Variants in LRPAP1 observed in about 807,000 individuals in gnomAD.
The protein encoded by LRPAP1 is alpha-2-macroglobulin receptor-associated protein.
In LRPAP1, 41 loss-of-function variants were observed where a neutral mutation model predicts 39.9. The ratio of observed to expected loss-of-function variants is 1.03; its 90% confidence interval spans 0.80 to 1.33. LRPAP1 has a LOEUF of 1.33. LRPAP1 is among the 40% of genes most tolerant of loss of function. LRPAP1 has a pLI of 0.00. For synonymous variants in LRPAP1, 263 were observed against 212.7 expected (o/e 1.24, Z -2.06); for missense variants, 565 against 482.3 (o/e 1.17, Z -1.61).
At chr4:3,513,334 G>A (rs889192618) in intron 7 of LRPAP1, among the ~76,000 whole-genome samples, 2 of 152,182 alleles carry the variant, frequency 1.3e-5, no homozygotes, top group Non-Finnish European at 2.9e-5. Context: ...TACTGAAAGG[G>A]TCTCGCTCTG....
intron 1 of LRPAP1, among the ~76,000 whole-genome samples, chr4:3,527,976 C>T (rs777872727): frequency 2.0e-5 from 3 of 152,220 alleles, no homozygotes; most frequent in Non-Finnish European, 2.9e-5. Context: ...CTAAATTTCA[C>T]ACCGCATGTC....
At position 3,504,727 on chromosome 4, in the gene LRPAP1, G is replaced by A. The variant is rs1300207514; in HGVS notation, c.*8247C>T. 1.8e-5 allele frequency among the ~76,000 whole-genome samples: 1 copy of A among 55,132 alleles called. No homozygotes were observed. The highest frequency in any genetic ancestry group is 5.7e-5 in the African/African-American group (1 of 17,620). 36.2% of individuals were successfully genotyped at this position (55,132 alleles called of 152,430 possible). A position where few individuals can be genotyped will look rare whatever the true frequency, so the allele number is the denominator to read the frequency against. ...ATTGCGCCATTGCACTGCAGCCTGAGCAATTGAGATTCCATCTCAAAAAAA... is the reference window on the plus strand; with the variant it reads ...ATTGCGCCATTGCACTGCAGCCTGAACAATTGAGATTCCATCTCAAAAAAA... On this transcript the variant is annotated 3_prime_UTR_variant, in exon 8 of 8. Transcript: ENST00000650182.
intron 1 of LRPAP1, 90 bp downstream of exon 1, chr4:3,532,119 T>A: frequency 2.2e-6 from 3 of 1,342,688 alleles, no homozygotes; most frequent in Non-Finnish European, 3.0e-6. Flanking sequence ...TGCGCCCCCC[T>A]CCGCCTCCGA....
In LRPAP1 at chr4:3,512,978, A is replaced by G; in HGVS notation, c.1070T>C (p.Leu357Pro). 1 of 1,610,912 alleles carries G rather than the reference A, an allele frequency of 6.2e-7. No homozygotes were observed. Among genetic ancestry groups the G allele is most frequent in the Non-Finnish European group, 8.5e-7 (1 of 1,178,802 alleles). Residue 357 changes from leucine (L) to proline (P), a missense_variant, in exon 8 of 8, where the codon CTC (leucine) becomes CCC (proline). Transcript: ENST00000650182. ...GGGCTGGGCTCCCCAATGCCTTCAG[A>G]GTTCGTTGTGCCGAGCTCTGGAGAT... ...GRISRARHNEL is the reference protein window; with the variant it reads ...GRISRARHNEP
intron 2 of LRPAP1, among the ~76,000 whole-genome samples, chr4:3,521,024 G>A (rs757509992): frequency 2.6e-5 from 4 of 152,178 alleles, no homozygotes; most frequent in Non-Finnish European, 5.9e-5. Context: ...GGCTGGCCTC[G>A]CCCTCCACGG....
intron 1 of LRPAP1, 56 bp from the exon 2 acceptor site, chr4:3,525,107 C>A (rs542859900): frequency 5.6e-6 from 9 of 1,602,374 alleles, no homozygotes; most frequent in Non-Finnish European, 7.7e-6. Flanking sequence ...CAGGACACAG[C>A]GAGAAACTGA....
intron 1 of LRPAP1, among the ~76,000 whole-genome samples, chr4:3,526,213 C>T (rs2108696103): frequency 6.6e-6 from 1 of 152,196 alleles, no homozygotes; most frequent in African/African-American, 2.4e-5. Flanking sequence ...TCTCTCGGCT[C>T]TCAGGAGGGT....
intron 1 of LRPAP1, among the ~76,000 whole-genome samples, chr4:3,527,309 G>A (rs760407943): frequency 1.1e-4 from 17 of 152,138 alleles, no homozygotes; most frequent in East Asian, 3.9e-4. Flanking sequence ...TGCCTGCGGC[G>A]TCCACTGGAA....
intron 2 of LRPAP1, among the ~76,000 whole-genome samples, chr4:3,522,685 G>A (rs1390483552): frequency 1.7e-5 from 2 of 114,904 alleles, no homozygotes; most frequent in Non-Finnish European, 4.0e-5. Context: ...CCCCCTGCCT[G>A]GGGAGGACAG....
In LRPAP1 at chr4:3,516,164, G is replaced by A. The variant is rs1489597613; in HGVS notation, c.786C>T (p.Asp262=). The change falls in exon 6 of 8, where the codon GAC becomes GAT. Residue 262 remains aspartate, a synonymous_variant. Coordinates refer to ENST00000650182, the MANE Select transcript of LRPAP1 (RefSeq NM_002337.4). ...FEEPRVIDLW[D]LAQSANLTDK... ...CCGTGAGGTTGGCGGACTGCGCCAG[G>A]TCCCACAGGTCAATCACCCTGGGCT... 3.2e-6 allele frequency: 5 copies of A among 1,582,230 alleles called. No homozygotes were observed. The highest frequency in any genetic ancestry group is 3.4e-6 in the Non-Finnish European group (4 of 1,164,646).
chr4:3,518,038 C>T lies in LRPAP1; in HGVS notation c.747G>A (p.Glu249=), dbSNP rs747159323. 1.9e-6 allele frequency: 3 copies of T among 1,606,222 alleles called. No individual in the cohort carries two copies. The Admixed American group carries it at 5.0e-5, about 27-fold the overall frequency. The stretch of plus-strand genomic sequence containing the variant: ...CAGTCCCGGGCGGGCACTCACCAGC[C>T]TCAGTGCTGTAGCCCTGGTGGCTGA... ...RRVSHQGYST[E]AEFEEPRVID... The change falls in exon 5 of 8, where the codon GAG becomes GAA. Residue 249 remains glutamate, a synonymous_variant. Coordinates refer to ENST00000650182, the MANE Select transcript of LRPAP1 (RefSeq NM_002337.4).
chr4:3,516,905 G>A (rs749853602), intron 5 of LRPAP1, among the ~76,000 whole-genome samples: 2 of 152,252 alleles, frequency 1.3e-5, no homozygotes, highest in African/African-American at 4.8e-5. Flanking sequence ...GGAAGGCCCA[G>A]GCAGACCCGC....
Position 3,510,563 on chromosome 4 carries a change from G to A in LRPAP1, c.*2411C>T, listed in dbSNP as rs918717398. On this transcript the variant is annotated 3_prime_UTR_variant, in exon 8 of 8. Coordinates refer to ENST00000650182, the MANE Select transcript of LRPAP1 (RefSeq NM_002337.4). ...AAAAAGCCTATGCAGCAAATAATCT[G>A]AAAGTTAAGGGAGAAATGGATCCTG... is the stretch of plus-strand genomic sequence containing the variant. 2 of 152,282 alleles carry A rather than the reference G, an allele frequency of 1.3e-5. No homozygotes were observed. Among genetic ancestry groups the A allele is most frequent in the African/African-American group, 4.8e-5 (2 of 41,478 alleles). The allele number at this position is 152,282 out of a possible 1,614,324, so 9.4% of individuals were successfully genotyped here. A position where few individuals can be genotyped will look rare whatever the true frequency, so the allele number is the denominator to read the frequency against.
intron 2 of LRPAP1, among the ~76,000 whole-genome samples, chr4:3,524,556 G>A (rs974444351): frequency 2.6e-5 from 4 of 152,216 alleles, no homozygotes; most frequent in African/African-American, 9.7e-5. Context: ...ATCTGTGCTC[G>A]GAGGATAGCC....
rs1406178420 is a variant in LRPAP1, at chr4:3,508,123, A to C, written c.*4851T>G. ...TGAGTTCAAGTGATTCTCCTGCCTC[A>C]GCCTCCAGAGTAGCTGGGATTACAG... On this transcript the variant is annotated 3_prime_UTR_variant, in exon 8 of 8. Coordinates refer to ENST00000650182, the MANE Select transcript of LRPAP1 (RefSeq NM_002337.4). The C allele has an allele frequency of 6.6e-6, 1 of 152,180 alleles. No homozygotes were observed. The highest frequency in any genetic ancestry group is 2.4e-5 in the African/African-American group (1 of 41,420). The allele number at this position is 152,180 out of a possible 1,614,324, so 9.4% of individuals were successfully genotyped here. A position where few individuals can be genotyped will look rare whatever the true frequency, so the allele number is the denominator to read the frequency against.
intron 1 of LRPAP1, among the ~76,000 whole-genome samples, chr4:3,531,085 A>G (rs1358537591): frequency 2.0e-5 from 3 of 151,836 alleles, no homozygotes; most frequent in African/African-American, 7.3e-5. Flanking sequence ...CCCCTCCAGA[A>G]TCCCTTCCTC....
At chr4:3,532,129 A>C (rs1730273994) in intron 1 of LRPAP1, 80 bp downstream of exon 1, 4 of 1,426,524 alleles carry the variant, frequency 2.8e-6, no homozygotes, top group Non-Finnish European at 3.8e-6. Context: ...TCCGCCTCCG[A>C]CCCCTGGGCC....
At position 3,509,225 on chromosome 4, in the gene LRPAP1, C is replaced by T. The variant is rs1254406370; in HGVS notation, c.*3749G>A. On this transcript the variant is annotated 3_prime_UTR_variant, in exon 8 of 8. Coordinates refer to ENST00000650182, the MANE Select transcript of LRPAP1 (RefSeq NM_002337.4). ...GCAGTCAACGCATGGACACCGGAGA[C>T]TGTTGAGACGCCGACTGGAGTCACA... 1 of 152,042 alleles carries T rather than the reference C, an allele frequency of 6.6e-6. No homozygotes were observed. The highest frequency in any genetic ancestry group is 1.5e-5 in the Non-Finnish European group (1 of 68,016). The allele number at this position is 152,042 out of a possible 1,614,324, so 9.4% of individuals were successfully genotyped here.
intron 2 of LRPAP1, among the ~76,000 whole-genome samples, chr4:3,524,119 C>T (rs1001035388): frequency 3.3e-5 from 5 of 152,290 alleles, no homozygotes; most frequent in East Asian, 3.9e-4. Flanking sequence ...CCCAGTCCCA[C>T]GGGCCCACCT....
Sources: allele counts gnomAD v4.1 joint callset (sites outside exome capture counted in the v4.1 genomes callset), GRCh38; gene constraint gnomAD v4.1.1; transcripts MANE v1.5; gene names NCBI Gene and HGNC (gene_info 2026-07-23, HGNC 2026-07-21).